The following FHIT variants were observed in gnomAD, a reference collection of about 807,000 sequenced individuals.
The protein encoded by FHIT is fragile histidine triad diadenosine triphosphatase.
Under a neutral mutation model 17.9 loss-of-function variants are expected in FHIT, and 19 were observed. That is an observed-to-expected ratio of 1.06 (90% CI 0.74 to 1.56). The LOEUF (loss-of-function observed/expected upper bound fraction) is 1.56. Among genes scored for constraint, FHIT ranks in the 40% most tolerant of loss-of-function variants. FHIT has a pLI of 0.00. For synonymous variants in FHIT, 81 were observed against 69.7 expected (o/e 1.16, Z -0.81); for missense variants, 248 against 189.2 (o/e 1.31, Z -1.82).
chr3:60,280,795 C>T (rs1428449385), intron 5 of FHIT, among the ~76,000 whole-genome samples: 1 of 152,012 alleles, frequency 6.6e-6, no homozygotes, highest in African/African-American at 2.4e-5. Context: ...CCTGTTAATA[C>T]TCCTATTCAA....
intron 3 of FHIT, among the ~76,000 whole-genome samples, chr3:60,916,922 C>T (rs1707034380): frequency 6.6e-6 from 1 of 152,064 alleles, no homozygotes; most frequent in Non-Finnish European, 1.5e-5. Context: ...ATCCATCTCC[C>T]AAATAGTCAT....
rs530905726 is a variant in FHIT at position 60,014,263 on chromosome 3, G to A, written c.104-111C>T. 4.9e-6 allele frequency: 5 copies of A among 1,028,398 alleles called. No individual in the cohort carries two copies. In the Admixed American group the frequency reaches 1.3e-4, roughly 26 times the overall value. The allele number at this position is 1,028,398 out of a possible 1,614,324, so 63.7% of individuals were successfully genotyped here. A position where few individuals can be genotyped will look rare whatever the true frequency, so the allele number is the denominator to read the frequency against. On this transcript the variant is annotated intron_variant, in intron 5 of 9. Coordinates refer to ENST00000492590, the MANE Select transcript of FHIT (RefSeq NM_002012.4). Reference sequence around the variant, plus strand: ...TCGGACCAGGGCCTGAACTCTCAAAGACTAAGGAATGAAGAAACAGATATT... The same window carrying A: ...TCGGACCAGGGCCTGAACTCTCAAAAACTAAGGAATGAAGAAACAGATATT...
At chr3:61,044,672 C>A (rs1461253455) in intron 2 of FHIT, among the ~76,000 whole-genome samples, 1 of 152,136 alleles carries the variant, frequency 6.6e-6, no homozygotes, top group African/African-American at 2.4e-5. Flanking sequence ...ATCCAAGACA[C>A]ATAATTGTCA....
At position 61,201,879 on chromosome 3, in the gene FHIT, C is replaced by G. The variant is rs146573896; in HGVS notation, c.-212-1214G>C. On this transcript the variant is annotated intron_variant, in intron 1 of 9. Coordinates refer to ENST00000492590, the MANE Select transcript of FHIT (RefSeq NM_002012.4). The stretch of plus-strand genomic sequence containing the variant: ...ATAACATGGAGATTGAGCTGAATCC[C>G]TTTCCACTTCAAACACAGAAATGCT... Among the ~76,000 whole-genome samples the G allele has an allele frequency of 4.3e-3, 647 of 152,182 alleles. 10 individuals carry two copies. Among genetic ancestry groups the G allele is most frequent in the Non-Finnish European group, 5.5e-3 (372 of 68,018 alleles).
chr3:60,315,490 C>G (rs1013117902), intron 5 of FHIT, among the ~76,000 whole-genome samples: 14 of 152,136 alleles, frequency 9.2e-5, no homozygotes, highest in African/African-American at 1.7e-4. Context: ...ATCCTAGCTT[C>G]TATTATGATA....
intron 8 of FHIT, among the ~76,000 whole-genome samples, chr3:59,865,108 T>C (rs2106868803): frequency 6.6e-6 from 1 of 152,372 alleles, no homozygotes; most frequent in East Asian, 1.9e-4. Flanking sequence ...CTTAATTGTA[T>C]AATTTCAATT....
chr3:60,817,468 T>A (rs1701780493), intron 4 of FHIT, among the ~76,000 whole-genome samples: 1 of 152,026 alleles, frequency 6.6e-6, no homozygotes, highest in Non-Finnish European at 1.5e-5. Context: ...AATTTGCCTT[T>A]ACTCACAAAG....
At chr3:60,984,098 T>C (rs1710613364) in intron 3 of FHIT, among the ~76,000 whole-genome samples, 2 of 152,182 alleles carry the variant, frequency 1.3e-5, no homozygotes, top group African/African-American at 4.8e-5. Flanking sequence ...CTTCTTGATA[T>C]TGCAGGAAAA....
intron 5 of FHIT, among the ~76,000 whole-genome samples, chr3:60,151,945 TC>T (rs1205310395): frequency 6.6e-6 from 1 of 152,178 alleles, no homozygotes; most frequent in Non-Finnish European, 1.5e-5. Flanking sequence ...TGAAATATAA[TC>T]CCTATGGGCA....
At chr3:59,785,128 A>T (rs1288562970) in intron 8 of FHIT, among the ~76,000 whole-genome samples, 1 of 152,102 alleles carries the variant, frequency 6.6e-6, no homozygotes, top group Non-Finnish European at 1.5e-5. Context: ...CATCAAGGGG[A>T]TTCATGAGAA....
intron 5 of FHIT, among the ~76,000 whole-genome samples, chr3:60,261,743 G>A (rs968733147): frequency 5.9e-5 from 9 of 152,032 alleles, no homozygotes; most frequent in Admixed American, 2.0e-4. Context: ...GCAGAAGCAA[G>A]AAGGTCTCTT....
At chr3:59,862,920 G>A (rs867945516) in intron 8 of FHIT, among the ~76,000 whole-genome samples, 18 of 152,264 alleles carry the variant, frequency 1.2e-4, no homozygotes, top group African/African-American at 4.1e-4. Flanking sequence ...GGGGTAGGAT[G>A]TGGGCTGGGA....
intron 4 of FHIT, among the ~76,000 whole-genome samples, chr3:60,815,388 T>G (rs1575558930): frequency 6.6e-6 from 1 of 152,324 alleles, no homozygotes; most frequent in East Asian, 1.9e-4. Flanking sequence ...ATTTAAATCT[T>G]TACTCCATAT....
chr3:60,073,490 T>C (rs972644885), intron 5 of FHIT, among the ~76,000 whole-genome samples: 2 of 152,158 alleles, frequency 1.3e-5, no homozygotes, highest in African/African-American at 4.8e-5. Flanking sequence ...TACATGCTTA[T>C]GTTCGTCTCA....
intron 5 of FHIT, among the ~76,000 whole-genome samples, chr3:60,079,739 C>T (rs1019135258): frequency 1.3e-5 from 2 of 152,038 alleles, no homozygotes; most frequent in African/African-American, 4.8e-5. Flanking sequence ...TTAAGTTTTT[C>T]CTCCAACTCA....
At chr3:61,204,777 C>T (rs189598815) in intron 1 of FHIT, among the ~76,000 whole-genome samples, 6 of 151,978 alleles carry the variant, frequency 3.9e-5, no homozygotes, top group Admixed American at 1.3e-4. Flanking sequence ...TTAGGCATGA[C>T]GAAAGTTAGC....
intron 3 of FHIT, among the ~76,000 whole-genome samples, chr3:60,963,141 T>C (rs1407979435): frequency 6.6e-6 from 1 of 152,238 alleles, no homozygotes; most frequent in Non-Finnish European, 1.5e-5. Context: ...TTCAACTTCG[T>C]CCTGGTTTAG....
At chr3:60,614,526 C>A (rs1553674898) in intron 4 of FHIT, among the ~76,000 whole-genome samples, 1 of 152,032 alleles carries the variant, frequency 6.6e-6, no homozygotes, top group African/African-American at 2.4e-5. Flanking sequence ...ATTGCTTGAA[C>A]CCGGGAGGCA....
At chr3:60,416,808 C>G (rs971632396) in intron 5 of FHIT, among the ~76,000 whole-genome samples, 4 of 151,984 alleles carry the variant, frequency 2.6e-5, no homozygotes, top group Non-Finnish European at 4.4e-5. Flanking sequence ...GAGAACAGGC[C>G]GGGTGCGGCA....
Sources: gnomAD v4.1 joint callset for allele counts (sites outside exome capture counted in the v4.1 genomes callset) on GRCh38, gnomAD v4.1.1 for gene constraint, MANE v1.5 for transcripts, NCBI Gene and HGNC (gene_info 2026-07-23, HGNC 2026-07-21) for gene names.